The following CADPS variants were observed in gnomAD, a reference collection of about 807,000 sequenced individuals.
CADPS encodes calcium-dependent secretion activator 1.
In CADPS, 57 loss-of-function variants were observed where a neutral mutation model predicts 167.3. That is an observed-to-expected ratio of 0.34 (90% confidence interval 0.28 to 0.42). The LOEUF is 0.42. Ranked by LOEUF, CADPS falls within the 20% of genes least tolerant of loss-of-function variation. The pLI is 1.00. For missense variants in CADPS, 1,414 were observed against 1,738.1 expected, an observed-to-expected ratio of 0.81 and a Z score of 3.32; for synonymous variants, 676 against 635.3, an observed-to-expected ratio of 1.06 and a Z score of -0.96.
chr3:62,621,439 C>T (rs2063153452), intron 6 of CADPS, among the ~76,000 whole-genome samples: 1 of 152,004 alleles, frequency 6.6e-6, no homozygotes, highest in Admixed American at 6.6e-5. Context: ...GACTTCATTC[C>T]ACCACAAGCC....
At chr3:62,547,597 C>G (rs543312596) in intron 11 of CADPS, among the ~76,000 whole-genome samples, 2 of 118,752 alleles carry the variant, frequency 1.7e-5, no homozygotes, top group East Asian at 2.7e-4. Context: ...CCCCCCCCCC[C>G]CCGCAAATTC....
intron 13 of CADPS, among the ~76,000 whole-genome samples, chr3:62,521,027 T>C (rs1009679682): frequency 3.3e-5 from 5 of 152,210 alleles, no homozygotes; most frequent in Admixed American, 6.6e-5. Flanking sequence ...CAGCATACTT[T>C]TTCTAGAGCA....
At chr3:62,779,659 G>T in intron 1 of CADPS, 1 of 524,950 alleles carries the variant, frequency 1.9e-6, no homozygotes, top group South Asian at 1.4e-5. Context: ...CTCCTTACCT[G>T]AGTGCAAGGT....
At chr3:62,765,419 G>T (rs973133704) in intron 2 of CADPS, among the ~76,000 whole-genome samples, 1 of 152,034 alleles carries the variant, frequency 6.6e-6, no homozygotes, top group Non-Finnish European at 1.5e-5. Context: ...GAATAAGGAA[G>T]TTCATGAAGC....
chr3:62,832,761 G>A (rs1315238342), intron 1 of CADPS, among the ~76,000 whole-genome samples: 8 of 152,194 alleles, frequency 5.3e-5, no homozygotes, highest in East Asian at 3.9e-4. Flanking sequence ...AGCTGCTGCC[G>A]CTGAGGCGTT....
intron 8 of CADPS, among the ~76,000 whole-genome samples, chr3:62,578,071 A>C (rs1024029340): frequency 2.0e-5 from 3 of 152,144 alleles, no homozygotes; most frequent in African/African-American, 7.2e-5. Flanking sequence ...AGGATCTTCA[A>C]ATTTGAGTTA....
intron 6 of CADPS, among the ~76,000 whole-genome samples, chr3:62,623,656 G>A (rs1293172646): frequency 2.0e-5 from 3 of 152,116 alleles, no homozygotes; most frequent in Non-Finnish European, 2.9e-5. Context: ...TGTGAGGAGT[G>A]TTAGATCCTG....
intron 6 of CADPS, among the ~76,000 whole-genome samples, chr3:62,607,897 A>G (rs76457110): frequency 6.6e-6 from 1 of 152,206 alleles, no homozygotes; most frequent in Non-Finnish European, 1.5e-5. Context: ...CTCAAAAGGA[A>G]ATGATGAATG....
rs1707047132 is a variant in CADPS at position 62,403,198 on chromosome 3, A to T, written c.3778-13T>A. On this transcript the variant is annotated splice_polypyrimidine_tract_variant and intron_variant, in intron 28 of 29. Transcript: ENST00000383710. ...TGTTGTACCATTGCTGAAAAAAGAGACAAAAGTTCTCCAGCCAACACATCA... is the reference window on the plus strand; with the variant it reads ...TGTTGTACCATTGCTGAAAAAAGAGTCAAAAGTTCTCCAGCCAACACATCA... The T allele has an allele frequency of 6.3e-7, 1 of 1,592,850 alleles. No homozygotes were observed.
At chr3:62,505,324 T>C (rs1263591155) in intron 17 of CADPS, among the ~76,000 whole-genome samples, 4 of 152,214 alleles carry the variant, frequency 2.6e-5, no homozygotes, top group Admixed American at 2.0e-4. Flanking sequence ...ATACAGGCTG[T>C]TGGATGGATC....
At chr3:62,731,720 G>C (rs1392252557) in intron 3 of CADPS, among the ~76,000 whole-genome samples, 1 of 147,594 alleles carries the variant, frequency 6.8e-6, no homozygotes, top group Non-Finnish European at 1.5e-5. Context: ...TTATATGTAA[G>C]GCACTGGTGA....
intron 6 of CADPS, among the ~76,000 whole-genome samples, chr3:62,635,116 T>A (rs1410770272): frequency 6.6e-6 from 1 of 152,026 alleles, no homozygotes; most frequent in Non-Finnish European, 1.5e-5. Context: ...TCATTTGAGG[T>A]CTGTTTAAAG....
At chr3:62,598,098 G>A (rs185698089) in intron 6 of CADPS, among the ~76,000 whole-genome samples, 2 of 152,142 alleles carry the variant, frequency 1.3e-5, no homozygotes, top group Admixed American at 6.5e-5. Context: ...ACAGTCCATC[G>A]TTCCATGGGA....
At chr3:62,594,923 C>T (rs1212408774) in intron 6 of CADPS, among the ~76,000 whole-genome samples, 2 of 152,190 alleles carry the variant, frequency 1.3e-5, no homozygotes, top group African/African-American at 4.8e-5. Context: ...CTGAGTATCA[C>T]TATTCACTTT....
chr3:62,807,551 C>T (rs906035689), intron 1 of CADPS, among the ~76,000 whole-genome samples: 7 of 151,488 alleles, frequency 4.6e-5, no homozygotes, highest in Non-Finnish European at 7.4e-5. Flanking sequence ...TATGAGCCAC[C>T]GAGCCTGGCC....
At chr3:62,495,725 G>A (rs1238442367) in intron 18 of CADPS, among the ~76,000 whole-genome samples, 1 of 152,142 alleles carries the variant, frequency 6.6e-6, no homozygotes. Context: ...AGAGAGATTG[G>A]GAAGGTGTAG....
chr3:62,775,252 C>A (rs974189296), intron 1 of CADPS, among the ~76,000 whole-genome samples: 3 of 151,442 alleles, frequency 2.0e-5, no homozygotes, highest in Admixed American at 6.6e-5. Flanking sequence ...GGGTTTTCAC[C>A]ATGTTGGCCA....
At chr3:62,404,006 A>G (rs1298487123) in intron 28 of CADPS, 2 of 152,236 alleles carry the variant, frequency 1.3e-5, no homozygotes, top group African/African-American at 2.4e-5. Flanking sequence ...CTGGTGCAGT[A>G]TAATTTTGCA....
rs762164412 is a variant in CADPS at position 62,753,563 on chromosome 3, C to A, written c.766G>T (p.Ala256Ser). Residue 256 changes from alanine (A) to serine (S), a missense_variant, in exon 3 of 30, where the codon GCC becomes TCC. By Grantham distance (99) the Ala-to-Ser change is moderately conservative. This residue lies in a region of CADPS where 522 missense variants were observed against 559.5 expected (regional missense o/e 0.93). Coordinates refer to ENST00000383710, the MANE Select transcript of CADPS (RefSeq NM_003716.4). The surrounding 1 kb of genome is among the most constrained non-coding windows in gnomAD (Gnocchi z 4.6). ...GAGGCTGCGCTGGCTGTCATCCGGG[C>A]CTGCTGCTTCCGCGGGTCCTCTTCT... is the stretch of plus-strand genomic sequence containing the variant. ...RGEEDPRKQQ[A>S]RMTASAASEL... The A allele has an allele frequency of 6.2e-7, 1 of 1,614,106 alleles. No individual in the cohort carries two copies. Among genetic ancestry groups the A allele is most frequent in the South Asian group, 1.1e-5 (1 of 91,078 alleles).
Sources: gnomAD v4.1 joint callset for allele counts (sites outside exome capture counted in the v4.1 genomes callset) on GRCh38, gnomAD v4.1.1 for gene constraint, gnomAD v4.1.1 regional missense constraint, Gnocchi (gnomAD v3.1) non-coding constraint, MANE v1.5 for transcripts, NCBI Gene and HGNC (gene_info 2026-07-23, HGNC 2026-07-21) for gene names.